MAPK10: variants seen among roughly 807,000 people sequenced by gnomAD.
The protein encoded by MAPK10 is mitogen-activated protein kinase 10.
MAPK10 carries 25 observed loss-of-function variants against 59.3 expected under a neutral mutation model. That is an observed-to-expected ratio of 0.42 (90% CI 0.31 to 0.59). The LOEUF is 0.59. MAPK10 is among the 20% of genes least tolerant of loss of function. The pLI is 0.15. For synonymous variants in MAPK10, 190 were observed against 200.5 expected (o/e 0.95, Z 0.44); for missense variants, 351 against 568.9 (o/e 0.62, Z 3.90).
At chr4:86,332,493 A>C (rs993547848) in intron 2 of MAPK10, 13 of 152,192 alleles carry the variant, frequency 8.5e-5, no homozygotes, top group Non-Finnish European at 1.8e-4. Flanking sequence ...AAAGGAAAGA[A>C]TATCACCCAT....
At chr4:86,303,924 A>G (rs2095515242) in intron 2 of MAPK10, among the ~76,000 whole-genome samples, 1 of 152,188 alleles carries the variant, frequency 6.6e-6, no homozygotes, top group Admixed American at 6.5e-5. Flanking sequence ...AGTCTAGTTG[A>G]CAGAAAGTCG....
At chr4:86,584,110 A>G (rs896105194) in intron 1 of MAPK10, among the ~76,000 whole-genome samples, 1 of 152,110 alleles carries the variant, frequency 6.6e-6, no homozygotes, top group African/African-American at 2.4e-5. Context: ...TTTATTAGAG[A>G]CTTTGTGATA....
At chr4:86,522,621 T>C (rs1304111780) in intron 1 of MAPK10, among the ~76,000 whole-genome samples, 2 of 152,200 alleles carry the variant, frequency 1.3e-5, no homozygotes, top group Non-Finnish European at 2.9e-5. Flanking sequence ...GTGCTCTTAT[T>C]TCGTTGGTTC....
At chr4:86,107,980 A>G (rs2056831242) in intron 4 of MAPK10, among the ~76,000 whole-genome samples, 1 of 152,114 alleles carries the variant, frequency 6.6e-6, no homozygotes, top group African/African-American at 2.4e-5. Context: ...CTACAGCCAC[A>G]TACTATGTCA....
upstream of MAPK10, among the ~76,000 whole-genome samples, chr4:86,360,865 TA>T (rs887143026): frequency 1.1e-4 from 16 of 151,600 alleles, no homozygotes; most frequent in Admixed American, 3.3e-4. Context: ...ACTTGCACTA[TA>T]AAAAAAAATT....
At position 86,372,564 on chromosome 4, in the gene MAPK10, G is replaced by GAAAGGA. The variant is rs1554253764; in HGVS notation, c.-121-17921_-121-17920insTCCTTT. Among the ~76,000 whole-genome samples, 272 of 78,702 alleles carry GAAAGGA rather than the reference G, an allele frequency of 3.5e-3. 7 individuals carry two copies. Among genetic ancestry groups the GAAAGGA allele is most frequent in the East Asian group, 0.014 (40 of 2,928 alleles). The allele number at this position is 78,702 out of a possible 152,430, so 51.6% of individuals were successfully genotyped here. A position where few individuals can be genotyped will look rare whatever the true frequency, so the allele number is the denominator to read the frequency against. ...AGAAAGAAAGAAAGAAAGAAAGAAA[G>GAAAGGA]AAAGAAAAGAAAAGAAAAGAAAAGA... On this transcript the variant is annotated intron_variant, in intron 1 of 13. Transcript: ENST00000361569.
intron 2 of MAPK10, among the ~76,000 whole-genome samples, chr4:86,287,710 A>AAG (rs1175252757): frequency 6.6e-6 from 1 of 152,210 alleles, no homozygotes; most frequent in Non-Finnish European, 1.5e-5. Context: ...CGCTACTAGA[A>AAG]AACCCAATCA....
intron 1 of MAPK10, among the ~76,000 whole-genome samples, chr4:86,589,134 G>C (rs962961542): frequency 3.3e-5 from 5 of 151,700 alleles, no homozygotes; most frequent in African/African-American, 1.2e-4. Context: ...AGAAAATATG[G>C]GAGAATATTT....
rs145608799 is a variant in MAPK10, at chr4:86,324,746, C to T, written c.-7+29784G>A. Among the ~76,000 whole-genome samples, 40 of 152,246 alleles carry T rather than the reference C, an allele frequency of 2.6e-4. No homozygotes were observed. The East Asian group carries it at 7.5e-3, about 29-fold the overall frequency. On this transcript the variant is annotated intron_variant, in intron 2 of 13. Coordinates refer to ENST00000641462, the MANE Select transcript of MAPK10 (RefSeq NM_138982.4). ...AGAGCATTATTAATAAACTTGTTTC[C>T]CCCCGATTTCTTAGTCCTCTTTCCA...
intron 4 of MAPK10, among the ~76,000 whole-genome samples, chr4:86,136,425 C>A (rs1459032074): frequency 1.3e-5 from 2 of 151,706 alleles, no homozygotes; most frequent in African/African-American, 2.4e-5. Flanking sequence ...ACTTCATATC[C>A]AGCCAAACTA....
intron 4 of MAPK10, among the ~76,000 whole-genome samples, chr4:86,134,739 A>G (rs548747122): frequency 3.7e-4 from 56 of 152,340 alleles, no homozygotes; most frequent in African/African-American, 1.3e-3. Flanking sequence ...AGCGACACAG[A>G]AGACAGTGAT....
chr4:86,510,648 T>C (rs1216798541), intron 1 of MAPK10, among the ~76,000 whole-genome samples: 1 of 152,030 alleles, frequency 6.6e-6, no homozygotes, highest in African/African-American at 2.4e-5. Flanking sequence ...CAGATATACA[T>C]GAATGAAAGA....
At chr4:86,206,543 T>C (rs1319289260) in intron 2 of MAPK10, among the ~76,000 whole-genome samples, 1 of 118,466 alleles carries the variant, frequency 8.4e-6, no homozygotes, top group Non-Finnish European at 1.9e-5. Flanking sequence ...TGATTTATAG[T>C]CCTTTGGGTA....
chr4:86,262,128 A>C (rs1374111797), intron 2 of MAPK10, among the ~76,000 whole-genome samples: 2 of 152,236 alleles, frequency 1.3e-5, no homozygotes, highest in Admixed American at 6.5e-5. Flanking sequence ...TCAATGCAAC[A>C]GTGTTGAGAA....
chr4:86,306,645 A>G (rs1564197688), intron 2 of MAPK10, among the ~76,000 whole-genome samples: 1 of 152,204 alleles, frequency 6.6e-6, no homozygotes, highest in Non-Finnish European at 1.5e-5. Context: ...TATACACTAT[A>G]ATACATTATA....
chr4:86,217,931 T>C (rs963177198), intron 2 of MAPK10, among the ~76,000 whole-genome samples: 2 of 152,106 alleles, frequency 1.3e-5, no homozygotes, highest in Non-Finnish European at 2.9e-5. Flanking sequence ...ATCATTCTGA[T>C]TTTTATTTAG....
intron 1 of MAPK10, among the ~76,000 whole-genome samples, chr4:86,427,772 C>CTTTA (rs1747497732): frequency 6.6e-6 from 1 of 152,100 alleles, no homozygotes; most frequent in Admixed American, 6.5e-5. Flanking sequence ...TATTTCTGTT[C>CTTTA]TTTAGTGAGT....
At chr4:86,342,216 AAAT>A (rs1368416662) in intron 2 of MAPK10, among the ~76,000 whole-genome samples, 1 of 152,226 alleles carries the variant, frequency 6.6e-6, no homozygotes, top group African/African-American at 2.4e-5. Flanking sequence ...AGAGTGATAA[AAAT>A]AATGAGATAC....
At chr4:86,485,250 T>A (rs1211882202) in intron 1 of MAPK10, among the ~76,000 whole-genome samples, 1 of 152,164 alleles carries the variant, frequency 6.6e-6, no homozygotes, top group Non-Finnish European at 1.5e-5. Flanking sequence ...ACTAAATTGA[T>A]CAGTTCCCTC....
Sources: gnomAD v4.1 joint callset for allele counts (sites outside exome capture counted in the v4.1 genomes callset) on GRCh38, gnomAD v4.1.1 for gene constraint, MANE v1.5 for transcripts, NCBI Gene and HGNC (gene_info 2026-07-23, HGNC 2026-07-21) for gene names.